LAMA1: variants seen among roughly 807,000 people sequenced by gnomAD.
LAMA1 encodes laminin subunit alpha-1.
Under a neutral mutation model 348.7 loss-of-function variants are expected in LAMA1, and 219 were observed. The ratio of observed to expected loss-of-function variants is 0.63; its 90% CI spans 0.56 to 0.70. The LOEUF is 0.70. Ranked by LOEUF, LAMA1 falls within the 30% of genes least tolerant of loss-of-function variation. The pLI is 0.00. For missense variants in LAMA1, 3,744 were observed against 3,888.0 expected, an observed-to-expected ratio of 0.96 and a Z score of 0.99; for synonymous variants, 1,487 against 1,491.0, an observed-to-expected ratio of 1.00 and a Z score of 0.06.
rs548798720 is a variant in LAMA1 at position 6,986,215 on chromosome 18, G to A, written c.5301C>T (p.Leu1767=). The change falls in exon 37 of 63, where the codon CTC becomes CTT. Residue 1767 remains leucine (L), a synonymous_variant. Transcript: ENST00000389658. ...GCATCTTTGCCTCAGCTTCCCTCACGAGCGCCTCAGCCGCCTTTAGTTCAT... is the reference window on the plus strand; with the variant it reads ...GCATCTTTGCCTCAGCTTCCCTCACAAGCGCCTCAGCCGCCTTTAGTTCAT... ...HNNELKAAEA[L]VREAEAKMQE... is the part of the protein sequence containing the mutation. 3.1e-6 allele frequency: 5 copies of A among 1,614,142 alleles called. No individual in the cohort carries two copies. The Admixed American group carries it at 5.0e-5, about 16-fold the overall frequency.
chr18:6,958,861 T>G (rs2057593494), intron 54 of LAMA1, among the ~76,000 whole-genome samples, 199 bp from the exon 55 acceptor site: 1 of 152,198 alleles, frequency 6.6e-6, no homozygotes, highest in Admixed American at 6.5e-5. Flanking sequence ...CAGAAACGAA[T>G]GGAATGTTAT....
intron 3 of LAMA1, among the ~76,000 whole-genome samples, chr18:7,066,243 C>T (rs1442910926): frequency 6.6e-6 from 1 of 152,150 alleles, no homozygotes; most frequent in African/African-American, 2.4e-5. Flanking sequence ...TCGTGAATGA[C>T]GTGGATACAA....
intron 1 of LAMA1, among the ~76,000 whole-genome samples, chr18:7,097,361 G>A (rs1224391218): frequency 6.6e-6 from 1 of 152,038 alleles, no homozygotes; most frequent in East Asian, 1.9e-4. Flanking sequence ...AAAAATTTTG[G>A]GGGAGAAATT....
At chr18:6,951,991 T>C (rs1273552235) in intron 57 of LAMA1, among the ~76,000 whole-genome samples, 1 of 152,126 alleles carries the variant, frequency 6.6e-6, no homozygotes, top group Non-Finnish European at 1.5e-5. Flanking sequence ...CACAGAGATG[T>C]TGAGTGGCTG....
rs543542944 is a variant in LAMA1, at chr18:7,018,268, G to A, written c.2702-884C>T. Among the ~76,000 whole-genome samples, 7 of 142,388 alleles carry A rather than the reference G, an allele frequency of 4.9e-5. No individual in the cohort carries two copies. The South Asian group carries it at 1.3e-3, about 27-fold the overall frequency. The allele number at this position is 142,388 out of a possible 152,430, so 93.4% of individuals were successfully genotyped here. A position where few individuals can be genotyped will look rare whatever the true frequency, so the allele number is the denominator to read the frequency against. ...GGAGAATCTCGTGAACCTGGGAGGCGGAGGTTGCAGTGAGCCAAGATCACA... is the reference window on the plus strand; with the variant it reads ...GGAGAATCTCGTGAACCTGGGAGGCAGAGGTTGCAGTGAGCCAAGATCACA... On this transcript the variant is annotated intron_variant, in intron 19 of 62. Coordinates refer to ENST00000389658, the MANE Select transcript of LAMA1 (RefSeq NM_005559.4).
intron 23 of LAMA1, among the ~76,000 whole-genome samples, chr18:7,012,437 T>G (rs965470136): frequency 8.6e-5 from 13 of 151,094 alleles, no homozygotes; most frequent in Non-Finnish European, 1.6e-4. Flanking sequence ...CAGGTGATTC[T>G]GATGATCCCT....
Position 6,999,534 on chromosome 18 carries a change from G to T in LAMA1, c.4574C>A (p.Ser1525Tyr). 3 of 1,614,140 alleles carry T rather than the reference G, an allele frequency of 1.9e-6. No homozygotes were observed. The highest frequency in any genetic ancestry group is 1.1e-5 in the South Asian group (1 of 91,080). ...GSVHGDCDRT[S>Y]GQCVCRLGAS... Reference sequence around the variant, plus strand: ...CCCCAGCCTGCAAACGCACTGCCCAGATGTGCGGTCACAGTCACCGTGGAC... The same window carrying T: ...CCCCAGCCTGCAAACGCACTGCCCATATGTGCGGTCACAGTCACCGTGGAC... Residue 1525 changes from serine (S) to tyrosine (Y), a missense_variant, in exon 32 of 63, where the codon TCT becomes TAT. Physicochemically the swap from Ser to Tyr is moderately radical, Grantham distance 144. Around this residue, in one of 3 missense-constraint regions of LAMA1, gnomAD observed 1,983 missense variants for 1,934.3 expected, o/e 1.03. Transcript: ENST00000389658.
At position 6,956,705 on chromosome 18, in the gene LAMA1, C is replaced by G; in HGVS notation, c.8025G>C (p.Leu2675=). 1 of 1,614,224 alleles carries G rather than the reference C, an allele frequency of 6.2e-7. No individual in the cohort carries two copies. Among genetic ancestry groups the G allele is most frequent in the Non-Finnish European group, 8.5e-7 (1 of 1,180,044 alleles). The change falls in exon 56 of 63, where the codon CTG becomes CTC. Residue 2675 remains leucine, a synonymous_variant. Coordinates refer to ENST00000389658, the MANE Select transcript of LAMA1 (RefSeq NM_005559.4). ...CGGGAGCCAGCTTAGGCCTTTCTGACAGCCAGCAGGTGTCCAGGTCGACTT... is the reference window on the plus strand; with the variant it reads ...CGGGAGCCAGCTTAGGCCTTTCTGAGAGCCAGCAGGTGTCCAGGTCGACTT... The part of the protein sequence containing the change: ...HEQVDLDTCW[L]SERPKLAPDA...
At chr18:7,042,603 G>A (rs1216164091) in intron 8 of LAMA1, 3 of 295,436 alleles carry the variant, frequency 1.0e-5, no homozygotes, top group Admixed American at 4.6e-5. Flanking sequence ...GGCTGAACAC[G>A]GCCAGGCGTG....
chr18:7,013,748 G>C, intron 23 of LAMA1, 67 bp downstream of exon 23: 1 of 1,513,610 alleles, frequency 6.6e-7, no homozygotes, highest in Non-Finnish European at 9.1e-7. Flanking sequence ...TAGGTAAGTA[G>C]TCAAAGCCCA....
rs768469130 is a variant in LAMA1, at chr18:6,958,642, T to C, written c.7799A>G (p.Asp2600Gly). ...CTTCATTTCCACAGGATTGTTCTCA[T>C]CCAATTGGACAGTGATAATTCTAAA... ...RNRRIITVQLDENNPVEMKLG... is the reference protein window; with the variant it reads ...RNRRIITVQLGENNPVEMKLG... The change falls in exon 55 of 63, where the codon GAT becomes GGT. Residue 2600 changes from aspartate (D) to glycine (G), a missense_variant. Asp to Gly is a moderately conservative substitution (Grantham distance 94, BLOSUM62 -1). Transcript: ENST00000389658. 3.1e-6 allele frequency: 5 copies of C among 1,614,068 alleles called. No individual in the cohort carries two copies. Among genetic ancestry groups the C allele is most frequent in the Non-Finnish European group, 4.2e-6 (5 of 1,179,906 alleles).
chr18:7,050,542 A>C, intron 4 of LAMA1, 152 bp downstream of exon 4: 1 of 1,012,312 alleles, frequency 9.9e-7, no homozygotes, highest in African/African-American at 1.6e-5. Context: ...TTGTTTGTGA[A>C]ATTACTTATA....
At chr18:6,981,383 T>TGGCCAATCCTCCATCCCC (rs2057711182) in intron 41 of LAMA1, among the ~76,000 whole-genome samples, 1 of 152,168 alleles carries the variant, frequency 6.6e-6, no homozygotes, top group African/African-American at 2.4e-5. Flanking sequence ...CCTGCATCTC[T>TGGCCAATCCTCCATCCCC]GGCCAATCCT....
intron 31 of LAMA1, 23 bp from the exon 32 acceptor site, chr18:6,999,661 G>T (rs1454764338): frequency 1.3e-6 from 2 of 1,582,036 alleles, no homozygotes; most frequent in Non-Finnish European, 1.7e-6. Context: ...AGGGACATAG[G>T]TGCAGACAGG....
intron 4 of LAMA1, 54 bp from the exon 5 acceptor site, chr18:7,049,311 A>G (rs531622852): frequency 6.7e-7 from 1 of 1,496,296 alleles, no homozygotes; most frequent in East Asian, 2.3e-5. Flanking sequence ...TTATTTATTT[A>G]TTTTTTGAGA....
intron 16 of LAMA1, among the ~76,000 whole-genome samples, chr18:7,029,999 T>C (rs1053090230): frequency 1.3e-5 from 2 of 151,786 alleles, no homozygotes; most frequent in Non-Finnish European, 2.9e-5. Context: ...CCAGCAAGGT[T>C]AGATTTAACA....
intron 3 of LAMA1, among the ~76,000 whole-genome samples, chr18:7,055,381 A>T (rs1008049840): frequency 1.4e-5 from 2 of 142,646 alleles, no homozygotes; most frequent in Non-Finnish European, 3.0e-5. Flanking sequence ...TGAACCCGGG[A>T]GGCAGAGGTT....
chr18:6,964,643 A>G lies in LAMA1; in HGVS notation c.7337+19T>C. 1 of 1,614,084 alleles carries G rather than the reference A, an allele frequency of 6.2e-7. No homozygotes were observed. The highest frequency in any genetic ancestry group is 8.5e-7 in the Non-Finnish European group (1 of 1,179,950). ...AAAGTTGGAAATCAGCGACATGAAAATTCTGCAGTTTAATATACCTTACAA... is the reference window on the plus strand; with the variant it reads ...AAAGTTGGAAATCAGCGACATGAAAGTTCTGCAGTTTAATATACCTTACAA... On this transcript the variant is annotated intron_variant, in intron 51 of 62. Coordinates refer to ENST00000389658, the MANE Select transcript of LAMA1 (RefSeq NM_005559.4).
chr18:7,079,883 G>T lies in LAMA1; in HGVS notation c.345+92C>A. ...AATAGTGAGATTAGAATGTAAATGT[G>T]TTCAGAAAGAAGCCAGACTTTCCCA... On this transcript the variant is annotated intron_variant, in intron 3 of 62. Transcript: ENST00000389658. The T allele has an allele frequency of 3.3e-6, 3 of 896,734 alleles. No homozygotes were observed. In the East Asian group the frequency reaches 7.4e-5, roughly 22 times the overall value. 55.5% of individuals were successfully genotyped at this position (896,734 alleles called of 1,614,324 possible).
Sources: gnomAD v4.1 joint callset for allele counts (sites outside exome capture counted in the v4.1 genomes callset) on GRCh38, gnomAD v4.1.1 for gene constraint, gnomAD v4.1.1 regional missense constraint, MANE v1.5 for transcripts, NCBI Gene and HGNC (gene_info 2026-07-23, HGNC 2026-07-21) for gene names.